The following TAF4B variants were observed in gnomAD, a reference collection of about 807,000 sequenced individuals.
The protein encoded by TAF4B is transcription initiation factor TFIID subunit 4B.
In TAF4B, 38 loss-of-function variants were observed where a neutral mutation model predicts 86.4. That is an observed-to-expected ratio of 0.44 (90% CI 0.34 to 0.58). The LOEUF (loss-of-function observed/expected upper bound fraction) is 0.58. Among genes scored for constraint, TAF4B ranks in the 20% least tolerant of loss-of-function variants. The probability of loss-of-function intolerance (pLI) is 0.02; values close to 1 mark genes in which losing one functional copy is unlikely to be tolerated. For missense variants in TAF4B, 988 were observed against 1,027.6 expected (o/e 0.96, Z 0.53); for synonymous variants, 388 against 391.2 (o/e 0.99, Z 0.10).
rs982136190 is a variant in TAF4B at position 26,391,592 on chromosome 18, A to G, written c.*1580A>G. ...TTAAATGCTTACCTTTATTTTTTGT[A>G]AAGTGCAGCATACTCATTTGTGTAT... On this transcript the variant is annotated 3_prime_UTR_variant, in exon 15 of 15. Transcript: ENST00000269142. 1 of 152,156 alleles carries G rather than the reference A, an allele frequency of 6.6e-6. No homozygotes were observed. Among genetic ancestry groups the G allele is most frequent in the Non-Finnish European group, 1.5e-5 (1 of 68,016 alleles). The allele number at this position is 152,156 out of a possible 1,614,324, so 9.4% of individuals were successfully genotyped here.
At chr18:26,268,388 G>A (rs1285583970) in intron 3 of TAF4B, among the ~76,000 whole-genome samples, 1 of 152,142 alleles carries the variant, frequency 6.6e-6, no homozygotes, top group Non-Finnish European at 1.5e-5. Context: ...GCTGCAGCTG[G>A]TTTCTGGTGG....
rs141066647 is a variant in TAF4B at position 26,233,068 on chromosome 18, A to G, written c.343+5792A>G. Among the ~76,000 whole-genome samples, 1,442 of 152,260 alleles carry G rather than the reference A, an allele frequency of 9.5e-3. 26 individuals carry two copies. Among genetic ancestry groups the G allele is most frequent in the African/African-American group, 0.032 (1,338 of 41,550 alleles). On this transcript the variant is annotated intron_variant, in intron 1 of 14. Transcript: ENST00000269142. ...CTGTCTAGTTGGTGGGGAGGCAGAT[A>G]TAGGTTGAAGTTCCACATAAGAAGA... is the stretch of plus-strand genomic sequence containing the variant.
chr18:26,304,866 C>T, intron 9 of TAF4B: 11 of 985,384 alleles, frequency 1.1e-5, no homozygotes, highest in Non-Finnish European at 1.3e-5. Flanking sequence ...AAAAATGTCA[C>T]TATAAGTATT....
At chr18:26,385,119 T>G (rs942555598) in intron 14 of TAF4B, among the ~76,000 whole-genome samples, 1 of 152,224 alleles carries the variant, frequency 6.6e-6, no homozygotes, top group African/African-American at 2.4e-5. Context: ...ATGTCCTTTC[T>G]GCTTCTGACT....
At chr18:26,373,723 T>C (rs2057421928) in intron 14 of TAF4B, among the ~76,000 whole-genome samples, 1 of 152,166 alleles carries the variant, frequency 6.6e-6, no homozygotes, top group Non-Finnish European at 1.5e-5. Context: ...CCATCCTTTT[T>C]TTAGGAGTTG....
At chr18:26,237,477 G>A (rs1455968522) in intron 1 of TAF4B, among the ~76,000 whole-genome samples, 3 of 152,076 alleles carry the variant, frequency 2.0e-5, no homozygotes, top group Non-Finnish European at 4.4e-5. Context: ...GGATGTAACC[G>A]ATAGCCTGGG....
At chr18:26,317,009 G>A (rs551380795) in intron 10 of TAF4B, among the ~76,000 whole-genome samples, 65 of 149,168 alleles carry the variant, frequency 4.4e-4, no homozygotes, top group African/African-American at 1.6e-3. Flanking sequence ...TAGTTTTATC[G>A]GTCACCCTCC....
chr18:26,350,886 A>G (rs898603538), intron 13 of TAF4B, among the ~76,000 whole-genome samples: 11 of 152,218 alleles, frequency 7.2e-5, no homozygotes, highest in Admixed American at 1.3e-4. Flanking sequence ...AATGTTATCG[A>G]GGATTCAGGG....
intron 9 of TAF4B, among the ~76,000 whole-genome samples, chr18:26,294,278 T>C (rs1489586357): frequency 2.6e-5 from 4 of 152,098 alleles, no homozygotes; most frequent in Admixed American, 6.5e-5. Context: ...TTGTGAGCAA[T>C]TGGTAATTCT....
intron 14 of TAF4B, among the ~76,000 whole-genome samples, chr18:26,382,842 C>T (rs192196850): frequency 2.9e-4 from 44 of 152,132 alleles, no homozygotes; most frequent in Non-Finnish European, 5.3e-4. Context: ...GCACTGAAGA[C>T]GTATGATGGT....
In TAF4B at chr18:26,357,748, C is replaced by G; in HGVS notation, c.2375C>G (p.Ala792Gly). ...AGAGACGCTAATCTCACAGCTCTTG[C>G]AGCTATTGGACCAAGGAAGAAGAGA... ...QHRDANLTAL[A>G]AIGPRKKRPL... The change falls in exon 14 of 15, where the codon GCA becomes GGA. Residue 792 changes from alanine to glycine, a missense_variant. Ala to Gly is a moderately conservative substitution (Grantham distance 60). Coordinates refer to ENST00000269142, the MANE Select transcript of TAF4B (RefSeq NM_005640.3). 5 of 1,613,088 alleles carry G rather than the reference C, an allele frequency of 3.1e-6. No homozygotes were observed. The highest frequency in any genetic ancestry group is 1.3e-5 in the African/African-American group (1 of 74,970).
At chr18:26,331,143 G>A (rs2057047222) in intron 12 of TAF4B, among the ~76,000 whole-genome samples, 1 of 152,180 alleles carries the variant, frequency 6.6e-6, no homozygotes, top group Non-Finnish European at 1.5e-5. Flanking sequence ...GAGCAGGAAG[G>A]TGGGACAGAA....
chr18:26,352,750 T>A (rs555968472), intron 13 of TAF4B, among the ~76,000 whole-genome samples: 1 of 152,032 alleles, frequency 6.6e-6, no homozygotes, highest in South Asian at 2.1e-4. Context: ...AGTGAGACCC[T>A]GTCTCCCCGC....
chr18:26,383,613 G>A (rs1269277211), intron 14 of TAF4B, among the ~76,000 whole-genome samples: 1 of 152,152 alleles, frequency 6.6e-6, no homozygotes, highest in Non-Finnish European at 1.5e-5. Flanking sequence ...AAAGATGGGG[G>A]TGATCATTAG....
intron 1 of TAF4B, among the ~76,000 whole-genome samples, chr18:26,261,220 C>T (rs576212010): frequency 1.7e-5 from 2 of 116,678 alleles, no homozygotes; most frequent in African/African-American, 3.1e-5. Flanking sequence ...CTCGCTCTGT[C>T]GCCCAGGCTG....
chr18:26,331,589 C>T (rs2144692390), intron 12 of TAF4B, among the ~76,000 whole-genome samples: 2 of 152,256 alleles, frequency 1.3e-5, no homozygotes, highest in Middle Eastern at 3.4e-3. Context: ...TTTCTTGACT[C>T]AATAAATTAC....
At chr18:26,274,385 C>T (rs1473370597) in intron 3 of TAF4B, among the ~76,000 whole-genome samples, 1 of 152,140 alleles carries the variant, frequency 6.6e-6, no homozygotes, top group African/African-American at 2.4e-5. Context: ...CCGTTGCAAT[C>T]CCTATTTTTG....
At chr18:26,304,155 T>A (rs1438647526) in intron 9 of TAF4B, among the ~76,000 whole-genome samples, 2 of 145,000 alleles carry the variant, frequency 1.4e-5, no homozygotes, top group African/African-American at 5.0e-5. Flanking sequence ...GAGATTAGAA[T>A]TATAGGTCGA....
chr18:26,245,214 C>T (rs139633879), intron 1 of TAF4B, among the ~76,000 whole-genome samples: 121 of 152,118 alleles, frequency 8.0e-4, no homozygotes, highest in African/African-American at 2.3e-3. Context: ...AAAAGGGGTC[C>T]GATGGTCCTT....
Sources: gnomAD v4.1 joint callset for allele counts (sites outside exome capture counted in the v4.1 genomes callset) on GRCh38, gnomAD v4.1.1 for gene constraint, MANE v1.5 for transcripts, NCBI Gene and HGNC (gene_info 2026-07-23, HGNC 2026-07-21) for gene names.